MGAT5: variants seen among roughly 807,000 people sequenced by gnomAD.
The protein encoded by MGAT5 is alpha-1,6-mannosylglycoprotein 6-beta-N-acetylglucosaminyltransferase, also known as alpha-1,6-mannosylglycoprotein 6-beta-N-acetylglucosaminyltransferase A.
Under a neutral mutation model 94.3 loss-of-function variants are expected in MGAT5, and 30 were observed. The ratio of observed to expected loss-of-function variants is 0.32; its 90% CI spans 0.24 to 0.43. The LOEUF (loss-of-function observed/expected upper bound fraction) is 0.43, where lower values mean the gene tolerates loss of function less well. MGAT5 is among the 20% of genes least tolerant of loss of function. MGAT5 has a pLI of 1.00. For missense variants in MGAT5, 691 were observed against 905.5 expected, an observed-to-expected ratio of 0.76 and a Z score of 3.04; for synonymous variants, 310 against 322.9, an observed-to-expected ratio of 0.96 and a Z score of 0.43.
intron 10 of MGAT5, among the ~76,000 whole-genome samples, chr2:134,396,852 G>A (rs1682743012): frequency 6.6e-6 from 1 of 152,254 alleles, no homozygotes; most frequent in Admixed American, 6.5e-5. Context: ...CAAGCAGGAA[G>A]ATGGTTAAGG....
intron 1 of MGAT5, among the ~76,000 whole-genome samples, chr2:134,264,975 G>A (rs11884405): frequency 1.3e-5 from 2 of 152,166 alleles, no homozygotes; most frequent in African/African-American, 2.4e-5. Flanking sequence ...GTATCATGGC[G>A]GCCGTACCTT....
chr2:134,259,885 A>T (rs1429176207), intron 1 of MGAT5, among the ~76,000 whole-genome samples: 1 of 152,216 alleles, frequency 6.6e-6, no homozygotes, highest in Non-Finnish European at 1.5e-5. Flanking sequence ...AGAAAGTCAG[A>T]TAGCAGTACA....
intron 1 of MGAT5, among the ~76,000 whole-genome samples, chr2:134,246,996 A>G (rs1303329428): frequency 1.3e-5 from 2 of 152,198 alleles, no homozygotes; most frequent in Non-Finnish European, 2.9e-5. Flanking sequence ...GAGTTTGGTA[A>G]GAGGTTGTGC....
intron 1 of MGAT5, among the ~76,000 whole-genome samples, chr2:134,244,733 G>C (rs1205145663): frequency 6.6e-6 from 1 of 152,142 alleles, no homozygotes; most frequent in East Asian, 1.9e-4. Flanking sequence ...AGATCCTGTT[G>C]ATTGGTAAGG....
At chr2:134,280,680 G>A (rs17765282) in intron 2 of MGAT5, among the ~76,000 whole-genome samples, 24,885 of 152,262 alleles carry the variant, frequency 0.16, 2,172 homozygotes, top group Middle Eastern at 0.34. Flanking sequence ...TGATTAAACA[G>A]CAGCCACATG....
intron 2 of MGAT5, among the ~76,000 whole-genome samples, chr2:134,290,023 A>G (rs1193743194): frequency 1.3e-5 from 2 of 152,174 alleles, no homozygotes; most frequent in Non-Finnish European, 2.9e-5. Flanking sequence ...CCTCCTAGCA[A>G]ATCATAGAAC....
chr2:134,155,111 T>A (rs920651258), intron 1 of MGAT5, among the ~76,000 whole-genome samples: 3 of 152,208 alleles, frequency 2.0e-5, no homozygotes, highest in African/African-American at 7.2e-5. Flanking sequence ...ACGCGCAAAC[T>A]TTGTTCATGG....
chr2:134,220,278 G>T (rs1680690372), intron 1 of MGAT5, among the ~76,000 whole-genome samples: 3 of 152,292 alleles, frequency 2.0e-5, no homozygotes, highest in South Asian at 2.1e-4. Context: ...TTTCAGAGTA[G>T]TGTCCTTGGG....
At chr2:134,332,756 C>T (rs533834726) in intron 4 of MGAT5, among the ~76,000 whole-genome samples, 22 of 152,176 alleles carry the variant, frequency 1.4e-4, no homozygotes, top group African/African-American at 5.1e-4. Context: ...AAAACAACCC[C>T]ATCAAAAAGT....
chr2:134,149,493 C>T (rs1687077597), intron 1 of MGAT5, among the ~76,000 whole-genome samples: 2 of 151,996 alleles, frequency 1.3e-5, no homozygotes, highest in Non-Finnish European at 1.5e-5. Context: ...TTGGGATTGC[C>T]ACGGTTATCT....
intron 2 of MGAT5, among the ~76,000 whole-genome samples, chr2:134,312,868 T>C (rs1403036122): frequency 6.6e-6 from 1 of 152,200 alleles, no homozygotes; most frequent in Non-Finnish European, 1.5e-5. Flanking sequence ...TAAAACGGGA[T>C]AATGTATGTG....
At chr2:134,273,255 C>G (rs1684147307) in intron 2 of MGAT5, among the ~76,000 whole-genome samples, 1 of 152,176 alleles carries the variant, frequency 6.6e-6, no homozygotes, top group African/African-American at 2.4e-5. Flanking sequence ...ATGAGCAGCC[C>G]TTCCTTGCTT....
At chr2:134,205,095 A>G (rs1386048924) in intron 1 of MGAT5, among the ~76,000 whole-genome samples, 1 of 152,214 alleles carries the variant, frequency 6.6e-6, no homozygotes, top group Non-Finnish European at 1.5e-5. Flanking sequence ...AGAAGGCCAG[A>G]GTTGTGTGCA....
intron 4 of MGAT5, among the ~76,000 whole-genome samples, chr2:134,330,994 T>A (rs1391408724): frequency 6.6e-6 from 1 of 152,120 alleles, no homozygotes; most frequent in East Asian, 1.9e-4. Flanking sequence ...CACAGTAGCT[T>A]TATTACTTTT....
At chr2:134,411,690 C>T (rs537684597) in intron 11 of MGAT5, among the ~76,000 whole-genome samples, 9 of 152,262 alleles carry the variant, frequency 5.9e-5, no homozygotes, top group South Asian at 2.1e-4. Flanking sequence ...CCTTTCTAAA[C>T]GATCATTCAA....
At chr2:134,325,370 T>A (rs1415119308) in intron 4 of MGAT5, among the ~76,000 whole-genome samples, 1 of 152,158 alleles carries the variant, frequency 6.6e-6, no homozygotes, top group African/African-American at 2.4e-5. Context: ...TTTAAAATTA[T>A]GTTTTAAACT....
At chr2:134,333,214 GA>G (rs1164938939) in intron 4 of MGAT5, among the ~76,000 whole-genome samples, 5 of 152,154 alleles carry the variant, frequency 3.3e-5, no homozygotes, top group African/African-American at 1.2e-4. Flanking sequence ...ACTGGACTAA[GA>G]AAATGTGGCA....
intron 2 of MGAT5, among the ~76,000 whole-genome samples, chr2:134,303,613 G>A (rs570090730): frequency 3.9e-5 from 6 of 152,236 alleles, no homozygotes; most frequent in Non-Finnish European, 7.3e-5. Flanking sequence ...ACTTTTTGGG[G>A]TTTAAACTGT....
chr2:134,304,673 A>G (rs541688412), intron 2 of MGAT5, among the ~76,000 whole-genome samples: 8 of 152,326 alleles, frequency 5.3e-5, no homozygotes, highest in Admixed American at 1.3e-4. Context: ...AACACAAAGC[A>G]TGTTCTTTTC....
Sources: gnomAD v4.1 joint callset for allele counts (sites outside exome capture counted in the v4.1 genomes callset) on GRCh38, gnomAD v4.1.1 for gene constraint, MANE v1.5 for transcripts, NCBI Gene and HGNC (gene_info 2026-07-23, HGNC 2026-07-21) for gene names.